The following MBD5 variants were observed in gnomAD, a reference collection of about 807,000 sequenced individuals.
The protein encoded by MBD5 is methyl-CpG binding domain protein 5, also known as methyl-CpG-binding domain protein 5.
Under a neutral mutation model 117.3 loss-of-function variants are expected in MBD5, and 13 were observed. That is an observed-to-expected ratio of 0.11 (90% CI 0.07 to 0.18). The LOEUF (loss-of-function observed/expected upper bound fraction) is 0.18, where lower values mean the gene tolerates loss of function less well. Among genes scored for constraint, MBD5 ranks in the 10% least tolerant of loss-of-function variants. The pLI, the probability that MBD5 is intolerant of heterozygous loss-of-function variation, is 1.00. For synonymous variants in MBD5, 727 were observed against 766.4 expected, an observed-to-expected ratio of 0.95 and a Z score of 0.85; for missense variants, 1,879 against 2,093.8, an observed-to-expected ratio of 0.90 and a Z score of 2.00.
intron 3 of MBD5, among the ~76,000 whole-genome samples, chr2:148,304,909 C>CA (rs1362950078): frequency 6.6e-6 from 1 of 151,802 alleles, no homozygotes; most frequent in Non-Finnish European, 1.5e-5. Flanking sequence ...ACTAAAAATA[C>CA]AAAAAATTAG....
chr2:148,489,348 T>C, intron 10 of MBD5, 38 bp from the exon 11 acceptor site: 1 of 1,613,616 alleles, frequency 6.2e-7, no homozygotes, highest in Non-Finnish European at 8.5e-7. Flanking sequence ...TCAAAATTAT[T>C]TCCCTTTCTC....
At chr2:148,444,247 T>G (rs1224287964) in intron 4 of MBD5, among the ~76,000 whole-genome samples, 1 of 151,422 alleles carries the variant, frequency 6.6e-6, no homozygotes, top group Non-Finnish European at 1.5e-5. Context: ...CTGCTTTATC[T>G]AAGGCTAATA....
intron 3 of MBD5, among the ~76,000 whole-genome samples, chr2:148,255,012 T>A (rs148906347): frequency 6.6e-6 from 1 of 152,364 alleles, no homozygotes; most frequent in Non-Finnish European, 1.5e-5. Context: ...AGATGCTGAA[T>A]GCATGTGCCA....
intron 2 of MBD5, among the ~76,000 whole-genome samples, chr2:148,196,677 A>T (rs1698996975): frequency 6.6e-6 from 1 of 152,152 alleles, no homozygotes; most frequent in Non-Finnish European, 1.5e-5. Flanking sequence ...TCATATGGTA[A>T]CCTAGCTTAC....
In MBD5 at chr2:148,483,274, G is replaced by C. The variant is rs1175693192; in HGVS notation, c.2683G>C (p.Glu895Gln). Reference protein sequence around the residue: ...IGSDFPFVGQEHALHFPSNST... With the variant: ...IGSDFPFVGQQHALHFPSNST... ...GAGTGATTTTCCTTTTGTTGGCCAG[G>C]AGCACGCACTTCATTTTCCATCCAA... The change falls in exon 9 of 14, where the codon GAG becomes CAG. Residue 895 changes from glutamate (E) to glutamine (Q), a missense_variant. By Grantham distance (29) the Glu-to-Gln change is conservative (BLOSUM62 2). This residue lies in a region of MBD5 where 1,666 missense variants were observed against 1,792.2 expected (regional missense o/e 0.93). Transcript: ENST00000642680. The C allele has an allele frequency of 1.2e-6, 2 of 1,613,916 alleles. No individual in the cohort carries two copies. The highest frequency in any genetic ancestry group is 1.7e-6 in the Non-Finnish European group (2 of 1,179,992).
intron 4 of MBD5, among the ~76,000 whole-genome samples, chr2:148,392,362 A>G (rs2105541922): frequency 6.6e-6 from 1 of 152,322 alleles, no homozygotes; most frequent in East Asian, 1.9e-4. Flanking sequence ...TGTTGTGTCT[A>G]GACTTTCACT....
chr2:148,079,267 T>C (rs1695583028), intron 1 of MBD5, among the ~76,000 whole-genome samples: 1 of 152,184 alleles, frequency 6.6e-6, no homozygotes, highest in South Asian at 2.1e-4. Context: ...TGACTGACTT[T>C]GTGTGTTTGG....
At chr2:148,512,352 A>G in intron 13 of MBD5, 1 of 177,908 alleles carries the variant, frequency 5.6e-6, no homozygotes, top group South Asian at 1.3e-4. Context: ...GATTCTTCTT[A>G]TGAACAAACA....
At chr2:148,463,657 A>C in intron 6 of MBD5, 82 bp from the exon 7 acceptor site, 2 of 1,534,626 alleles carry the variant, frequency 1.3e-6, no homozygotes, top group Non-Finnish European at 1.8e-6. Context: ...TAATCTATGC[A>C]CAACTTTTTT....
intron 2 of MBD5, chr2:148,219,854 C>G (rs1699641360): frequency 6.6e-6 from 1 of 152,126 alleles, no homozygotes; most frequent in South Asian, 2.1e-4. Context: ...GTGAGCCAAC[C>G]TCTAGGATAG....
Position 148,468,344 on chromosome 2 carries a change from C to T in MBD5, c.401C>T (p.Ala134Val), listed in dbSNP as rs767675718. Residue 134 changes from alanine to valine, a missense_variant, in exon 8 of 14, where the codon GCA (alanine) becomes GTA (valine). Around this residue, in one of 4 missense-constraint regions of MBD5, gnomAD observed 1,666 missense variants for 1,792.2 expected, o/e 0.93. Transcript: ENST00000642680. The stretch of plus-strand genomic sequence containing the variant: ...CTTTTTTTCTCTTTCACATCAGATG[C>T]AACTCCAGTAGTACCTTCTCGGGCA... ...VLTSPGGGTN[A>V]TPVVPSRAAT... 1.9e-6 allele frequency: 3 copies of T among 1,612,960 alleles called. No individual in the cohort carries two copies. Among genetic ancestry groups the T allele is most frequent in the Non-Finnish European group, 2.5e-6 (3 of 1,179,388 alleles).
intron 4 of MBD5, among the ~76,000 whole-genome samples, chr2:148,437,738 C>A (rs1706196661): frequency 6.6e-6 from 1 of 151,892 alleles, no homozygotes; most frequent in African/African-American, 2.4e-5. Flanking sequence ...GCAGATGAAC[C>A]ATATTCATGA....
At chr2:148,100,495 C>T (rs547966033) in intron 1 of MBD5, among the ~76,000 whole-genome samples, 2 of 152,220 alleles carry the variant, frequency 1.3e-5, no homozygotes, top group Non-Finnish European at 2.9e-5. Flanking sequence ...GAAATTCAGA[C>T]AGGGCACAGT....
At chr2:148,102,718 A>G (rs1384458805) in intron 1 of MBD5, among the ~76,000 whole-genome samples, 495 of 86,718 alleles carry the variant, frequency 5.7e-3, no homozygotes, top group East Asian at 0.016. Context: ...ACACACACAC[A>G]CACACACACA....
Position 148,412,268 on chromosome 2 carries a change from CTT to C in MBD5, c.-556-45931_-556-45930del, listed in dbSNP as rs1191831742. Among the ~76,000 whole-genome samples the C allele has an allele frequency of 7.2e-4, 67 of 93,080 alleles. No individual in the cohort carries two copies. The Middle Eastern group carries it at 0.015, about 21-fold the overall frequency. 61.1% of individuals were successfully genotyped at this position (93,080 alleles called of 152,430 possible). ...TTGGTTACTGTAGCCTTGTAGTATA[CTT>C]TTTGTGTGTGTGTGTGTGTGTGTGT... On this transcript the variant is annotated intron_variant, in intron 4 of 13. Coordinates refer to ENST00000642680, the MANE Select transcript of MBD5 (RefSeq NM_001378120.1).
chr2:148,247,095 T>G (rs1045963960), intron 3 of MBD5, among the ~76,000 whole-genome samples: 1 of 152,196 alleles, frequency 6.6e-6, no homozygotes, highest in Non-Finnish European at 1.5e-5. Flanking sequence ...AGTTTTTCTC[T>G]CATTCTGTCA....
intron 1 of MBD5, among the ~76,000 whole-genome samples, chr2:148,052,024 C>T (rs555626736): frequency 9.9e-5 from 15 of 151,826 alleles, no homozygotes; most frequent in Non-Finnish European, 1.9e-4. Context: ...TGTTATCATT[C>T]CTAATTTTAC....
In MBD5 at chr2:148,322,976, C is replaced by A. The variant is rs182144505; in HGVS notation, c.-679-19238C>A. Reference sequence around the variant, plus strand: ...CGTCATCTAGCATTAGGTATATCTCCCAATGCTATCCCTCCCCACTCCCCC... The same window carrying A: ...CGTCATCTAGCATTAGGTATATCTCACAATGCTATCCCTCCCCACTCCCCC... On this transcript the variant is annotated intron_variant, in intron 3 of 13. Transcript: ENST00000642680. Among the ~76,000 whole-genome samples, 157 of 147,494 alleles carry A rather than the reference C, an allele frequency of 1.1e-3. 5 individuals carry two copies. Among genetic ancestry groups the A allele is most frequent in the Non-Finnish European group, 4.1e-4 (27 of 66,580 alleles).
chr2:148,457,806 A>C (rs1244841886), intron 4 of MBD5, among the ~76,000 whole-genome samples: 4 of 152,182 alleles, frequency 2.6e-5, no homozygotes, highest in African/African-American at 9.6e-5. Flanking sequence ...AAAGGGTTAT[A>C]TAATATTAAG....
Sources: gnomAD v4.1 joint callset for allele counts (sites outside exome capture counted in the v4.1 genomes callset) on GRCh38, gnomAD v4.1.1 for gene constraint, gnomAD v4.1.1 regional missense constraint, MANE v1.5 for transcripts, NCBI Gene and HGNC (gene_info 2026-07-23, HGNC 2026-07-21) for gene names.